Variants in CACNB2 observed in about 807,000 individuals in gnomAD.
CACNB2 encodes the protein voltage-dependent L-type calcium channel subunit beta-2.
Under a neutral mutation model 73.3 loss-of-function variants are expected in CACNB2, and 42 were observed. The ratio of observed to expected loss-of-function variants is 0.57; its 90% confidence interval spans 0.45 to 0.74. CACNB2 has a LOEUF of 0.74. CACNB2 is among the 30% of genes least tolerant of loss of function. The pLI is 0.00. For missense variants in CACNB2, 940 were observed against 853.0 expected, an observed-to-expected ratio of 1.10 and a Z score of -1.27; for synonymous variants, 348 against 310.3, an observed-to-expected ratio of 1.12 and a Z score of -1.28.
At chr10:18,180,937 G>A (rs967733311) in intron 2 of CACNB2, among the ~76,000 whole-genome samples, 5 of 151,820 alleles carry the variant, frequency 3.3e-5, no homozygotes, top group Non-Finnish European at 7.4e-5. Flanking sequence ...CTGCACTCCA[G>A]CCTGGGCAAC....
rs185562304 is a variant in CACNB2, at chr10:18,491,354, C to T, written c.334-7001C>T. Among the ~76,000 whole-genome samples, 14 of 152,232 alleles carry T rather than the reference C, an allele frequency of 9.2e-5. No individual in the cohort carries two copies. In the East Asian group the frequency reaches 1.5e-3, roughly 17 times the overall value. ...ATCTCAGCCCTTTGGGAGGCCAAGG[C>T]GGGAGGATCACTTGAGGCCAGGAGT... On this transcript the variant is annotated intron_variant, in intron 3 of 13. Transcript: ENST00000324631.
chr10:18,250,596 A>G (rs1016236969), intron 2 of CACNB2, among the ~76,000 whole-genome samples: 9 of 151,456 alleles, frequency 5.9e-5, no homozygotes, highest in African/African-American at 2.2e-4. Context: ...AGCAATGACT[A>G]TGGACGAATG....
chr10:18,169,662 C>G (rs1474221300), intron 2 of CACNB2, among the ~76,000 whole-genome samples: 2 of 152,166 alleles, frequency 1.3e-5, no homozygotes, highest in African/African-American at 2.4e-5. Flanking sequence ...GAGATTAACA[C>G]TTTATTGGGA....
chr10:18,255,693 CAACTT>C (rs2037255578), intron 2 of CACNB2, among the ~76,000 whole-genome samples: 1 of 152,078 alleles, frequency 6.6e-6, no homozygotes, highest in South Asian at 2.1e-4. Flanking sequence ...AGTTTTTGGT[CAACTT>C]AAGCACCCTA....
At chr10:18,481,959 G>A (rs999995331) in intron 3 of CACNB2, among the ~76,000 whole-genome samples, 1 of 152,096 alleles carries the variant, frequency 6.6e-6, no homozygotes, top group Non-Finnish European at 1.5e-5. Context: ...GCGCGATCTC[G>A]GCTTACTGCA....
chr10:18,404,661 G>A lies in CACNB2; in HGVS notation c.333+2618G>A, dbSNP rs140040076. ...AAATAAGTCTGTGCAGATGACGTTA[G>A]CAGTGCTTTCAGATCCTGGTCCTGT... On this transcript the variant is annotated intron_variant, in intron 3 of 13. Coordinates refer to ENST00000324631, the MANE Select transcript of CACNB2 (RefSeq NM_201596.3). Among the ~76,000 whole-genome samples, 1,095 of 152,262 alleles carry A rather than the reference G, an allele frequency of 7.2e-3. 20 individuals carry two copies. The highest frequency in any genetic ancestry group is 0.025 in the African/African-American group (1,057 of 41,554).
At chr10:18,450,758 G>C (rs559121632) in intron 3 of CACNB2, among the ~76,000 whole-genome samples, 1 of 151,764 alleles carries the variant, frequency 6.6e-6, no homozygotes, top group Non-Finnish European at 1.5e-5. Flanking sequence ...GAGTAGCTGG[G>C]ATTACAGGTG....
At chr10:18,448,479 TAAAAAAA>T (rs56255761) in intron 3 of CACNB2, among the ~76,000 whole-genome samples, 3 of 107,074 alleles carry the variant, frequency 2.8e-5, no homozygotes, top group Non-Finnish European at 5.5e-5. Flanking sequence ...CTCTCTCATT[TAAAAAAA>T]AAAAAAAAAA....
At chr10:18,258,949 T>C (rs1194349592) in intron 2 of CACNB2, among the ~76,000 whole-genome samples, 1 of 152,116 alleles carries the variant, frequency 6.6e-6, no homozygotes, top group Non-Finnish European at 1.5e-5. Context: ...ATTCAGAAAT[T>C]TTGTTTTACT....
At chr10:18,145,925 C>T (rs1441775062) in intron 1 of CACNB2, among the ~76,000 whole-genome samples, 2 of 152,142 alleles carry the variant, frequency 1.3e-5, no homozygotes, top group Non-Finnish European at 2.9e-5. Flanking sequence ...CTCCTCCTTA[C>T]TGGGCAGATA....
At chr10:18,519,060 C>A in intron 9 of CACNB2, 92 bp downstream of exon 9, 1 of 1,007,632 alleles carries the variant, frequency 9.9e-7, no homozygotes, top group Non-Finnish European at 1.6e-6. Flanking sequence ...GAGAAAATGG[C>A]CCTCTGATGT....
In CACNB2 at chr10:18,254,124, A is replaced by G. The variant is rs553635327; in HGVS notation, c.213+103149A>G. 5.7e-4 allele frequency among the ~76,000 whole-genome samples: 87 copies of G among 152,166 alleles called. 1 individual carries two copies. Among genetic ancestry groups the G allele is most frequent in the Non-Finnish European group, 1.1e-3 (77 of 68,036 alleles). On this transcript the variant is annotated intron_variant, in intron 2 of 13. Transcript: ENST00000324631. ...ATGAGAGAATCAGGGAGGAAAGGAA[A>G]AAGGATGTTTGAGAAGTGTTGCTGT... is the stretch of plus-strand genomic sequence containing the variant.
intron 2 of CACNB2, among the ~76,000 whole-genome samples, chr10:18,398,623 A>C (rs2043828665): frequency 6.6e-6 from 1 of 151,880 alleles, no homozygotes; most frequent in East Asian, 1.9e-4. Flanking sequence ...GTAAGCCATG[A>C]TTGCATCACT....
intron 3 of CACNB2, among the ~76,000 whole-genome samples, chr10:18,445,989 A>G (rs535574904): frequency 1.2e-3 from 184 of 152,340 alleles, no homozygotes; most frequent in African/African-American, 4.1e-3. Context: ...AGCCAAGATC[A>G]CACCATTACA....
chr10:18,311,273 A>G (rs1420842439), intron 2 of CACNB2, among the ~76,000 whole-genome samples: 3 of 152,134 alleles, frequency 2.0e-5, no homozygotes, highest in African/African-American at 7.2e-5. Context: ...TTGGTTCATT[A>G]TAGGCAGGTG....
At chr10:18,533,994 C>T in intron 10 of CACNB2, 82 bp from the exon 11 acceptor site, 1 of 1,359,962 alleles carries the variant, frequency 7.4e-7, no homozygotes, top group Non-Finnish European at 1.0e-6. Context: ...GACCTACTCA[C>T]CTTTCTGTTG....
chr10:18,342,122 G>A (rs1379017489), intron 2 of CACNB2, among the ~76,000 whole-genome samples: 2 of 152,130 alleles, frequency 1.3e-5, no homozygotes, highest in African/African-American at 2.4e-5. Context: ...ATCATTTCCT[G>A]TAAACTTGCT....
intron 3 of CACNB2, among the ~76,000 whole-genome samples, chr10:18,418,227 A>G (rs1425187226): frequency 6.6e-6 from 1 of 152,210 alleles, no homozygotes; most frequent in Non-Finnish European, 1.5e-5. Context: ...GGCGCACGCC[A>G]CTATGCTCAG....
At chr10:18,198,719 A>C (rs1349519072) in intron 2 of CACNB2, among the ~76,000 whole-genome samples, 1 of 152,144 alleles carries the variant, frequency 6.6e-6, no homozygotes, top group Non-Finnish European at 1.5e-5. Context: ...ATGTATGCCC[A>C]CACTTTTACT....
Sources: allele counts gnomAD v4.1 joint callset (sites outside exome capture counted in the v4.1 genomes callset), GRCh38; gene constraint gnomAD v4.1.1; transcripts MANE v1.5; gene names NCBI Gene and HGNC (gene_info 2026-07-23, HGNC 2026-07-21).